GRM3: variants seen among roughly 807,000 people sequenced by gnomAD.
GRM3 encodes the protein glutamate metabotropic receptor 3.
A neutral mutation model predicts 70.5 loss-of-function variants in GRM3; 26 were observed. That is an observed-to-expected ratio of 0.37 (90% CI 0.27 to 0.51). The LOEUF (loss-of-function observed/expected upper bound fraction) is 0.51. Ranked by LOEUF, GRM3 falls within the 20% of genes least tolerant of loss-of-function variation. The pLI is 0.93. For missense variants in GRM3, 859 were observed against 1,123.8 expected (o/e 0.76, Z 3.37); for synonymous variants, 443 against 434.9 (o/e 1.02, Z -0.23).
At chr7:86,705,046 C>G (rs1203973702) in intron 1 of GRM3, among the ~76,000 whole-genome samples, 1 of 151,810 alleles carries the variant, frequency 6.6e-6, no homozygotes, top group Non-Finnish European at 1.5e-5. Context: ...CTTTATATAG[C>G]ATTTTTTTGA....
Position 86,786,024 on chromosome 7 carries a change from C to A in GRM3, c.469-237C>A, listed in dbSNP as rs919634499. The A allele has an allele frequency of 1.6e-5, 8 of 505,806 alleles. No homozygotes were observed. Among genetic ancestry groups the A allele is most frequent in the Middle Eastern group, 5.5e-4 (1 of 1,816 alleles). 31.3% of individuals were successfully genotyped at this position (505,806 alleles called of 1,614,324 possible). Reference sequence around the variant, plus strand: ...AGAGAGTGTGGTGCCCTTCTCATTTCTCTACTCTGCCCTTTCCTGAAGCAC... The same window carrying A: ...AGAGAGTGTGGTGCCCTTCTCATTTATCTACTCTGCCCTTTCCTGAAGCAC... On this transcript the variant is annotated intron_variant, in intron 2 of 5. Transcript: ENST00000361669. This position sits in a 1 kb window ranked among gnomAD's most constrained non-coding sequence, Gnocchi z 6.0.
Position 86,786,554 on chromosome 7 carries a change from G to C in GRM3, c.762G>C (p.Lys254Asn), listed in dbSNP as rs778721439. ...AGGTGGGCCGCTCCAACATCCGCAA[G>C]TCCTACGACAGCGTGATCCGAGAAC... is the stretch of plus-strand genomic sequence containing the variant. Reference protein sequence around the residue: ...AEKVGRSNIRKSYDSVIRELL... With the variant: ...AEKVGRSNIRNSYDSVIRELL... Residue 254 changes from lysine to asparagine, a missense_variant, in exon 3 of 6, where the codon AAG (lysine) becomes AAC (asparagine). Lys to Asn is a moderately conservative substitution (Grantham distance 94, BLOSUM62 0). Transcript: ENST00000361669. This position sits in a 1 kb window ranked among gnomAD's most constrained non-coding sequence, Gnocchi z 6.0. The C allele has an allele frequency of 3.7e-6, 6 of 1,614,068 alleles. No homozygotes were observed. Among genetic ancestry groups the C allele is most frequent in the Non-Finnish European group, 5.1e-6 (6 of 1,180,056 alleles).
chr7:86,775,153 T>A (rs755526071), intron 2 of GRM3: 9 of 152,132 alleles, frequency 5.9e-5, no homozygotes, highest in Non-Finnish European at 1.2e-4. Context: ...AAAGTTTTTG[T>A]GTTATCTTTT....
At chr7:86,694,881 A>G (rs1002655060) in intron 1 of GRM3, among the ~76,000 whole-genome samples, 2 of 152,162 alleles carry the variant, frequency 1.3e-5, no homozygotes, top group Non-Finnish European at 2.9e-5. Flanking sequence ...GCTTCCTCAC[A>G]TATTATGTTG....
At chr7:86,734,737 C>T (rs1408578836) in intron 1 of GRM3, among the ~76,000 whole-genome samples, 2 of 152,160 alleles carry the variant, frequency 1.3e-5, no homozygotes, top group East Asian at 1.9e-4. Flanking sequence ...TACACTTGTC[C>T]TATTTTCCTG....
chr7:86,717,313 CA>C (rs1255558558), intron 1 of GRM3, among the ~76,000 whole-genome samples: 1 of 151,862 alleles, frequency 6.6e-6, no homozygotes, highest in African/African-American at 2.4e-5. Flanking sequence ...TGAGATATAC[CA>C]AATTGCTCCC....
Position 86,786,629 on chromosome 7 carries a change from C to T in GRM3, c.837C>T (p.Asp279=), listed in dbSNP as rs1797254829. 1.2e-6 allele frequency: 2 copies of T among 1,612,394 alleles called. No homozygotes were observed. Among genetic ancestry groups the T allele is most frequent in the Non-Finnish European group, 8.5e-7 (1 of 1,179,920 alleles). The stretch of plus-strand genomic sequence containing the variant: ...TCGTGGTCCTCTTCATGCGCAGCGA[C>T]GACTCGCGGGAGCTCATTGCAGCCG... ...ARVVVLFMRS[D]DSRELIAAAS... is the part of the protein sequence containing the mutation. Residue 279 remains aspartate, a synonymous_variant, in exon 3 of 6, where the codon GAC becomes GAT. Transcript: ENST00000361669. The surrounding 1 kb of genome is among the most constrained non-coding windows in gnomAD (Gnocchi z 6.0).
At chr7:86,832,017 G>A (rs2116716717) in intron 3 of GRM3, among the ~76,000 whole-genome samples, 1 of 152,158 alleles carries the variant, frequency 6.6e-6, no homozygotes, top group South Asian at 2.1e-4. Flanking sequence ...GACAGCCAGT[G>A]ATTCATTCTT....
At chr7:86,805,830 T>A (rs981041559) in intron 3 of GRM3, among the ~76,000 whole-genome samples, 2 of 152,210 alleles carry the variant, frequency 1.3e-5, no homozygotes, top group Admixed American at 6.5e-5. Flanking sequence ...ACATGTGCCA[T>A]GTTGGTGCGT....
intron 1 of GRM3, among the ~76,000 whole-genome samples, chr7:86,658,453 T>C (rs1343670952): frequency 6.6e-6 from 1 of 152,150 alleles, no homozygotes; most frequent in African/African-American, 2.4e-5. Flanking sequence ...CTCCAACCCC[T>C]TCAGGGCTCA....
intron 1 of GRM3, among the ~76,000 whole-genome samples, chr7:86,656,155 TCTC>T (rs966707751): frequency 6.6e-6 from 1 of 151,888 alleles, no homozygotes; most frequent in African/African-American, 2.4e-5. Context: ...CTTCTTCACT[TCTC>T]CACTGCCAAA....
At chr7:86,706,478 C>A (rs1795059704) in intron 1 of GRM3, among the ~76,000 whole-genome samples, 1 of 152,008 alleles carries the variant, frequency 6.6e-6, no homozygotes, top group Non-Finnish European at 1.5e-5. Context: ...GGGGAGGTCA[C>A]TTCCAGTTGG....
At position 86,696,049 on chromosome 7, in the gene GRM3, A is replaced by T. The variant is rs1326641403; in HGVS notation, c.-141+51177A>T. ...GGTGGCTAACCAATTCTTTCTGTAAACACTTGCTACTCCTCTACAAGTTAA... is the reference window on the plus strand; with the variant it reads ...GGTGGCTAACCAATTCTTTCTGTAATCACTTGCTACTCCTCTACAAGTTAA... On this transcript the variant is annotated intron_variant, in intron 1 of 5. Transcript: ENST00000361669. Among the ~76,000 whole-genome samples the T allele has an allele frequency of 3.3e-5, 5 of 152,138 alleles. No homozygotes were observed. The South Asian group carries it at 8.3e-4, about 25-fold the overall frequency.
intron 2 of GRM3, among the ~76,000 whole-genome samples, chr7:86,782,002 C>A (rs1797076935): frequency 6.6e-6 from 1 of 152,050 alleles, no homozygotes; most frequent in Non-Finnish European, 1.5e-5. Context: ...GAAAAGATGG[C>A]CCCCTGGTAA....
intron 2 of GRM3, among the ~76,000 whole-genome samples, chr7:86,779,178 G>A (rs1216103058): frequency 6.6e-6 from 1 of 151,928 alleles, no homozygotes; most frequent in Non-Finnish European, 1.5e-5. Flanking sequence ...TATTGATTGT[G>A]AAAAAAAATA....
Position 86,765,286 on chromosome 7 carries a change from T to C in GRM3, c.141T>C (p.Ile47=). ...GDLVLGGLFP[I]NEKGTGTEEC... ...TTGTTTTAGGGGGCCTGTTTCCTAT[T>C]AACGAAAAAGGCACTGGAACTGAAG... is the stretch of plus-strand genomic sequence containing the variant. Residue 47 remains isoleucine (I), a synonymous_variant, in exon 2 of 6, where the codon ATT becomes ATC. Transcript: ENST00000361669. The C allele has an allele frequency of 6.2e-7, 1 of 1,613,754 alleles. No individual in the cohort carries two copies. The highest frequency in any genetic ancestry group is 8.5e-7 in the Non-Finnish European group (1 of 1,179,776).
Position 86,765,349 on chromosome 7 carries a change from C to A in GRM3, c.204C>A (p.Arg68=), listed in dbSNP as rs1796574577. 5 of 1,613,886 alleles carry A rather than the reference C, an allele frequency of 3.1e-6. No homozygotes were observed. Among genetic ancestry groups the A allele is most frequent in the Non-Finnish European group, 4.2e-6 (5 of 1,179,886 alleles). The change falls in exon 2 of 6, where the codon CGC becomes CGA. Residue 68 remains arginine (R), a synonymous_variant. Transcript: ENST00000361669. ...TCAATGAAGACCGAGGGATTCAACG[C>A]CTGGAAGCCATGTTGTTTGCTATTG... is the stretch of plus-strand genomic sequence containing the variant. ...GRINEDRGIQ[R]LEAMLFAIDE...
chr7:86,850,031 G>A (rs999139718), intron 4 of GRM3, among the ~76,000 whole-genome samples: 4 of 152,092 alleles, frequency 2.6e-5, no homozygotes, highest in African/African-American at 9.7e-5. Context: ...CTTCATCATT[G>A]AATATGTTTT....
chr7:86,795,568 A>G (rs1272144095), intron 3 of GRM3, among the ~76,000 whole-genome samples: 2 of 151,998 alleles, frequency 1.3e-5, no homozygotes, highest in Non-Finnish European at 2.9e-5. Flanking sequence ...GCTGAGGACA[A>G]TGGCTTTCAT....
Sources: gnomAD v4.1 joint callset for allele counts (sites outside exome capture counted in the v4.1 genomes callset) on GRCh38, gnomAD v4.1.1 for gene constraint, Gnocchi (gnomAD v3.1) non-coding constraint, MANE v1.5 for transcripts, NCBI Gene and HGNC (gene_info 2026-07-23, HGNC 2026-07-21) for gene names.